SEMA3D: variants seen among roughly 807,000 people sequenced by gnomAD.
SEMA3D encodes the protein semaphorin-3D.
SEMA3D carries 84 observed loss-of-function variants against 100.1 expected under a neutral mutation model. The observed-to-expected ratio is 0.84, with a 90% CI of 0.70 to 1.01. The LOEUF (loss-of-function observed/expected upper bound fraction) is 1.01. SEMA3D is among the 50% of genes least tolerant of loss of function. SEMA3D has a pLI of 0.00. For synonymous variants in SEMA3D, 312 were observed against 320.7 expected (o/e 0.97, Z 0.29); for missense variants, 875 against 934.1 (o/e 0.94, Z 0.82).
rs552751448 is a variant in SEMA3D at position 85,173,688 on chromosome 7, T to C, written c.-173+12990A>G. Reference sequence around the variant, plus strand: ...ACAGCTATTGTAACACATCATATAGTATTTCGTTTCCCTGTATTAACCCAT... The same window carrying C: ...ACAGCTATTGTAACACATCATATAGCATTTCGTTTCCCTGTATTAACCCAT... On this transcript the variant is annotated intron_variant, in intron 1 of 18. Transcript: ENST00000284136. 1.1e-4 allele frequency among the ~76,000 whole-genome samples: 17 copies of C among 152,138 alleles called. 1 individual carries two copies. The highest frequency in any genetic ancestry group is 2.5e-4 in the Non-Finnish European group (17 of 67,996).
intron 8 of SEMA3D, among the ~76,000 whole-genome samples, chr7:85,060,704 G>A (rs1791454787): frequency 6.6e-6 from 1 of 152,042 alleles, no homozygotes; most frequent in Non-Finnish European, 1.5e-5. Context: ...GAGCACACTA[G>A]CATTATTTAA....
chr7:85,231,597 T>C, the SEMA3D span, among the ~76,000 whole-genome samples: 214 of 152,036 alleles, frequency 1.4e-3, 8 homozygotes, highest in East Asian at 0.031. Flanking sequence ...ACTACAGGCG[T>C]CTGCCACCAC....
chr7:85,191,052 A>G (rs1791684123), upstream of SEMA3D, among the ~76,000 whole-genome samples: 1 of 152,156 alleles, frequency 6.6e-6, no homozygotes, highest in South Asian at 2.1e-4. Context: ...TGTCCAAGCC[A>G]GAATCTTAAG....
At position 84,996,449 on chromosome 7, in the gene SEMA3D, T is replaced by A. The variant is rs1789502536; in HGVS notation, c.*2991A>T. ...CACTACTGTTGTGGCTTTTGCAAATTACTAAATTTCTCTGTGACTACTTTT... is the reference window on the plus strand; with the variant it reads ...CACTACTGTTGTGGCTTTTGCAAATAACTAAATTTCTCTGTGACTACTTTT... On this transcript the variant is annotated 3_prime_UTR_variant, in exon 19 of 19. Coordinates refer to ENST00000284136, the MANE Select transcript of SEMA3D (RefSeq NM_001384900.1). 6.6e-6 allele frequency: 1 copy of A among 152,054 alleles called. No individual in the cohort carries two copies. Among genetic ancestry groups the A allele is most frequent in the South Asian group, 2.1e-4 (1 of 4,834 alleles). 9.4% of individuals were successfully genotyped at this position (152,054 alleles called of 1,614,324 possible).
chr7:85,166,434 A>T (rs1298265640), intron 1 of SEMA3D, among the ~76,000 whole-genome samples: 1 of 152,034 alleles, frequency 6.6e-6, no homozygotes, highest in Non-Finnish European at 1.5e-5. Flanking sequence ...AGTTTTAAGA[A>T]AACTTGCTGA....
At chr7:85,166,904 T>C (rs918581443) in intron 1 of SEMA3D, among the ~76,000 whole-genome samples, 4 of 151,970 alleles carry the variant, frequency 2.6e-5, no homozygotes, top group Admixed American at 6.6e-5. Context: ...AGTTAGAGGT[T>C]TTGTACAAAG....
chr7:85,109,626 G>A (rs1361444152), intron 3 of SEMA3D, among the ~76,000 whole-genome samples: 1 of 151,884 alleles, frequency 6.6e-6, no homozygotes, highest in Non-Finnish European at 1.5e-5. Flanking sequence ...TATGTTTAAA[G>A]GATTATTACA....
intron 3 of SEMA3D, among the ~76,000 whole-genome samples, chr7:85,110,895 C>T (rs949203691): frequency 3.3e-5 from 5 of 151,988 alleles, no homozygotes; most frequent in East Asian, 1.9e-4. Flanking sequence ...CCATCTTAAT[C>T]GGGCTTTGGC....
intron 2 of SEMA3D, chr7:85,141,006 C>G: frequency 1.5e-6 from 1 of 659,656 alleles, no homozygotes; most frequent in Non-Finnish European, 1.9e-6. Context: ...TATCAATAAT[C>G]TAGTTTATAA....
At position 85,006,810 on chromosome 7, in the gene SEMA3D, G is replaced by A. The variant is rs1441072846; in HGVS notation, c.1900C>T (p.Arg634Ter). ...WYIQRSGDEH[R>*]EELKPDERII... ...TGATGACAACAGCTTACCTCCTCTC[G>A]ATGCTCATCCCCTGACCTCTGGATA... Residue 634 changes from arginine to a stop codon, truncating the protein, a stop_gained, in exon 18 of 19, where the codon CGA becomes TGA. Coordinates refer to ENST00000284136, the MANE Select transcript of SEMA3D (RefSeq NM_001384900.1). LOFTEE classifies it high-confidence loss of function. 1.3e-6 allele frequency: 2 copies of A among 1,588,216 alleles called. No individual in the cohort carries two copies. The highest frequency in any genetic ancestry group is 2.3e-5 in the East Asian group (1 of 43,920).
chr7:85,089,947 A>G (rs1788336427), intron 4 of SEMA3D, among the ~76,000 whole-genome samples: 2 of 152,124 alleles, frequency 1.3e-5, no homozygotes, highest in South Asian at 4.1e-4. Flanking sequence ...AAAGAGAGAG[A>G]AATGCTAATA....
In SEMA3D at chr7:84,999,349, G is replaced by A; in HGVS notation, c.*91C>T. ...CTTGTGCCTTAGCAAAACTCCATGG[G>A]AAGCATTTATGAATTACTATAAGGG... is the stretch of plus-strand genomic sequence containing the variant. On this transcript the variant is annotated 3_prime_UTR_variant, in exon 19 of 19. Transcript: ENST00000284136. 1 of 996,914 alleles carries A rather than the reference G, an allele frequency of 1.0e-6. No individual in the cohort carries two copies. 61.8% of individuals were successfully genotyped at this position (996,914 alleles called of 1,614,324 possible). A position where few individuals can be genotyped will look rare whatever the true frequency, so the allele number is the denominator to read the frequency against.
the SEMA3D span, among the ~76,000 whole-genome samples, chr7:85,224,852 C>T: frequency 6.6e-6 from 1 of 151,702 alleles, no homozygotes; most frequent in African/African-American, 2.4e-5. Flanking sequence ...ATGAAAATCT[C>T]ATTTTCTTTC....
chr7:85,137,424 C>T (rs1336369844), intron 2 of SEMA3D, among the ~76,000 whole-genome samples: 1 of 151,902 alleles, frequency 6.6e-6, no homozygotes, highest in Non-Finnish European at 1.5e-5. Flanking sequence ...ACACATAACA[C>T]AGACACTACA....
intron 11 of SEMA3D, 78 bp downstream of exon 11, chr7:85,040,594 AC>A: frequency 1.3e-6 from 1 of 756,774 alleles, no homozygotes; most frequent in Non-Finnish European, 2.3e-6. Context: ...AAACGCAGGG[AC>A]AAAAAGATCC....
rs753169881 is a variant in SEMA3D, at chr7:85,042,316, T to C, written c.862-31A>G. The C allele has an allele frequency of 3.4e-6, 5 of 1,463,148 alleles. No individual in the cohort carries two copies. The African/African-American group carries it at 5.6e-5, about 16-fold the overall frequency. 90.6% of individuals were successfully genotyped at this position (1,463,148 alleles called of 1,614,324 possible). A position where few individuals can be genotyped will look rare whatever the true frequency, so the allele number is the denominator to read the frequency against. ...ATGAAAAAAAAAATAAAGATAAATA[T>C]TTATCAACACAATTCTACCACTCAC... On this transcript the variant is annotated intron_variant, in intron 9 of 18. Transcript: ENST00000284136.
Position 85,024,818 on chromosome 7 carries a change from A to G in SEMA3D, c.1192-2205T>C, listed in dbSNP as rs149590850. On this transcript the variant is annotated intron_variant, in intron 12 of 18. Coordinates refer to ENST00000284136, the MANE Select transcript of SEMA3D (RefSeq NM_001384900.1). Reference sequence around the variant, plus strand: ...AGTACAGTTTGAATCAAATATTGTTATTTCAGTACATTCAAACCAGTGGAA... The same window carrying G: ...AGTACAGTTTGAATCAAATATTGTTGTTTCAGTACATTCAAACCAGTGGAA... Among the ~76,000 whole-genome samples the G allele has an allele frequency of 1.3e-3, 195 of 152,092 alleles. 1 individual carries two copies. The highest frequency in any genetic ancestry group is 2.5e-3 in the Non-Finnish European group (171 of 67,942).
At chr7:85,047,565 A>T (rs1791044609) in intron 9 of SEMA3D, among the ~76,000 whole-genome samples, 1 of 151,902 alleles carries the variant, frequency 6.6e-6, no homozygotes, top group African/African-American at 2.4e-5. Flanking sequence ...TATATTAGAT[A>T]ACAGTGGCTT....
rs577692509 is a variant in SEMA3D, at chr7:85,153,633, A to C, written c.-66T>G. 127 of 152,228 alleles carry C rather than the reference A, an allele frequency of 8.3e-4. No individual in the cohort carries two copies. The highest frequency in any genetic ancestry group is 1.5e-3 in the Non-Finnish European group (100 of 68,072). The allele number at this position is 152,228 out of a possible 1,614,324, so 9.4% of individuals were successfully genotyped here. A position where few individuals can be genotyped will look rare whatever the true frequency, so the allele number is the denominator to read the frequency against. On this transcript the variant is annotated 5_prime_UTR_variant, in exon 2 of 19. Transcript: ENST00000284136. ...ATAATTATTGAGGCTGATGAGTCCC[A>C]AGATCTGCAGTTGGTAAGGTGAAGA... is the stretch of plus-strand genomic sequence containing the variant.
Sources: allele counts gnomAD v4.1 joint callset (sites outside exome capture counted in the v4.1 genomes callset), GRCh38; gene constraint gnomAD v4.1.1; transcripts MANE v1.5; gene names NCBI Gene and HGNC (gene_info 2026-07-23, HGNC 2026-07-21).